The following ASH1L variants were observed in gnomAD, a reference collection of about 807,000 sequenced individuals.
ASH1L encodes the protein histone-lysine N-methyltransferase ASH1L.
ASH1L carries 23 observed loss-of-function variants against 269.0 expected under a neutral mutation model. That is an observed-to-expected ratio of 0.09 (90% CI 0.06 to 0.12). ASH1L has a LOEUF of 0.12. Ranked by LOEUF, ASH1L falls within the 10% of genes least tolerant of loss-of-function variation. The probability of loss-of-function intolerance (pLI) is 1.00; values close to 1 mark genes in which losing one functional copy is unlikely to be tolerated. For missense variants in ASH1L, 2,912 were observed against 3,567.8 expected (o/e 0.82, Z 4.68); for synonymous variants, 1,187 against 1,253.5 (o/e 0.95, Z 1.12).
At chr1:155,489,422 C>T (rs1248031745) in intron 2 of ASH1L, among the ~76,000 whole-genome samples, 3 of 145,666 alleles carry the variant, frequency 2.1e-5, no homozygotes, top group South Asian at 2.2e-4. Flanking sequence ...TGCAGTGAGC[C>T]GAGATTGTGT....
intron 1 of ASH1L, among the ~76,000 whole-genome samples, chr1:155,526,286 T>A (rs921620163): frequency 6.6e-6 from 1 of 152,206 alleles, no homozygotes; most frequent in African/African-American, 2.4e-5. Context: ...AGCAAATGTC[T>A]TTTTTCCTGT....
intron 1 of ASH1L, among the ~76,000 whole-genome samples, chr1:155,524,837 C>T (rs1669130481): frequency 6.6e-6 from 1 of 151,178 alleles, no homozygotes; most frequent in Non-Finnish European, 1.5e-5. Flanking sequence ...AAGACCCTGT[C>T]TCAAAAAAAC....
intron 2 of ASH1L, among the ~76,000 whole-genome samples, chr1:155,489,038 G>A (rs7519697): frequency 0.01 from 1,548 of 152,156 alleles, 28 homozygotes; most frequent in African/African-American, 0.035. Flanking sequence ...TTGCTGTTTT[G>A]TAGCCCATTT....
chr1:155,558,046 G>C (rs1671715189), intron 1 of ASH1L, among the ~76,000 whole-genome samples: 1 of 152,208 alleles, frequency 6.6e-6, no homozygotes, highest in African/African-American at 2.4e-5. Flanking sequence ...TCTCCACTGT[G>C]TGCTTCCACA....
Position 155,433,655 on chromosome 1 carries a change from A to C in ASH1L, c.5828+4672T>G, listed in dbSNP as rs764922867. ...CAAGCTCCTGAAGCAGAAGAGGATC[A>C]CCCTGGGATATACACAGGCCGATGT... On this transcript the variant is annotated intron_variant, in intron 5 of 27. Transcript: ENST00000392403. The C allele has an allele frequency of 4.2e-5, 67 of 1,603,434 alleles. 1 individual carries two copies. In the African/African-American group the frequency reaches 7.0e-4, roughly 17 times the overall value.
At chr1:155,551,795 C>T (rs1182667534) in intron 1 of ASH1L, among the ~76,000 whole-genome samples, 3 of 148,964 alleles carry the variant, frequency 2.0e-5, no homozygotes, top group African/African-American at 7.4e-5. Context: ...TGGTGAAACC[C>T]CGTCTCTACT....
At chr1:155,551,034 C>G (rs754751729) in intron 1 of ASH1L, among the ~76,000 whole-genome samples, 1 of 152,072 alleles carries the variant, frequency 6.6e-6, no homozygotes, top group African/African-American at 2.4e-5. Context: ...GTTGCCCAGG[C>G]GGTCTGGAAC....
chr1:155,528,709 T>G (rs752605054), intron 1 of ASH1L, among the ~76,000 whole-genome samples: 8 of 152,180 alleles, frequency 5.3e-5, no homozygotes, highest in Admixed American at 6.6e-5. Flanking sequence ...GATTTTTTAA[T>G]ATATTTAACT....
chr1:155,538,731 C>A (rs1167730873), intron 1 of ASH1L, among the ~76,000 whole-genome samples: 2 of 147,418 alleles, frequency 1.4e-5, no homozygotes, highest in Non-Finnish European at 3.0e-5. Flanking sequence ...CAGCCTCCAA[C>A]TCCTGTGCTC....
chr1:155,538,465 C>A (rs1383022112), intron 1 of ASH1L, among the ~76,000 whole-genome samples: 1 of 151,956 alleles, frequency 6.6e-6, no homozygotes, highest in Non-Finnish European at 1.5e-5. Flanking sequence ...TCAAGCGAGT[C>A]TCCTGCCTCA....
intron 5 of ASH1L, among the ~76,000 whole-genome samples, chr1:155,421,022 A>G (rs1387000957): frequency 1.3e-5 from 2 of 151,740 alleles, no homozygotes. Context: ...GGATCACTTG[A>G]GCCCAGAGGT....
intron 25 of ASH1L, among the ~76,000 whole-genome samples, chr1:155,340,000 G>A (rs1652639047): frequency 6.6e-6 from 1 of 152,116 alleles, no homozygotes; most frequent in Non-Finnish European, 1.5e-5. Flanking sequence ...TGTTGCACAT[G>A]ACTGTAGTTA....
intron 13 of ASH1L, among the ~76,000 whole-genome samples, chr1:155,359,026 G>A (rs546954228): frequency 2.0e-5 from 3 of 152,282 alleles, no homozygotes; most frequent in South Asian, 2.1e-4. Context: ...AGGTTATGGT[G>A]GGAAGATTGC....
rs1315522627 is a variant in ASH1L, at chr1:155,562,415, TGGCGGCGGGAGCGGC to T, written c.-377_-363del. On this transcript the variant is annotated 5_prime_UTR_variant, in exon 1 of 28. Transcript: ENST00000392403. ...TCCCCTCCGCAAAGCGAACCCAAAA[TGGCGGCGGGAGCGGC>T]GGCGGCGGCGGCGGCAGCAGCAGAG... is the stretch of plus-strand genomic sequence containing the variant. The T allele has an allele frequency of 2.0e-6, 3 of 1,487,414 alleles. No homozygotes were observed. In the African/African-American group the frequency reaches 4.2e-5, roughly 21 times the overall value. 92.1% of individuals were successfully genotyped at this position (1,487,414 alleles called of 1,614,324 possible).
chr1:155,419,849 T>C (rs958030651), intron 5 of ASH1L, among the ~76,000 whole-genome samples: 9 of 152,228 alleles, frequency 5.9e-5, no homozygotes, highest in African/African-American at 1.9e-4. Context: ...AAACTATCTC[T>C]ACTCACACAT....
At chr1:155,509,697 G>T (rs1001224107) in intron 2 of ASH1L, among the ~76,000 whole-genome samples, 1 of 152,152 alleles carries the variant, frequency 6.6e-6, no homozygotes, top group Non-Finnish European at 1.5e-5. Context: ...TACTCAGGAG[G>T]CTGAGGCAGA....
chr1:155,500,947 G>A (rs762534956), intron 2 of ASH1L, among the ~76,000 whole-genome samples: 2 of 151,916 alleles, frequency 1.3e-5, no homozygotes, highest in East Asian at 3.9e-4. Context: ...CAGCCTGGGC[G>A]ACAGAATGAG....
intron 2 of ASH1L, among the ~76,000 whole-genome samples, chr1:155,518,615 T>C (rs1351116422): frequency 6.8e-6 from 1 of 147,888 alleles, no homozygotes; most frequent in Non-Finnish European, 1.5e-5. Context: ...ACATGAAAAA[T>C]TGTTCAACAT....
chr1:155,397,367 C>T (rs1056930303), intron 6 of ASH1L, among the ~76,000 whole-genome samples: 1 of 151,114 alleles, frequency 6.6e-6, no homozygotes, highest in Non-Finnish European at 1.5e-5. Flanking sequence ...TGTGGTGGAG[C>T]GCGCTGGTAA....
Sources: allele counts gnomAD v4.1 joint callset (sites outside exome capture counted in the v4.1 genomes callset), GRCh38; gene constraint gnomAD v4.1.1; transcripts MANE v1.5; gene names NCBI Gene and HGNC (gene_info 2026-07-23, HGNC 2026-07-21).